PLEKHN1: variants seen among roughly 807,000 people sequenced by gnomAD.
PLEKHN1 encodes pleckstrin homology domain-containing family N member 1.
A neutral mutation model predicts 72.8 loss-of-function variants in PLEKHN1; 68 were observed. The ratio of observed to expected loss-of-function variants is 0.93; its 90% CI spans 0.77 to 1.14. PLEKHN1 has a LOEUF of 1.14. Among genes scored for constraint, PLEKHN1 ranks in the 50% most tolerant of loss-of-function variants. The probability of loss-of-function intolerance (pLI) is 0.00; values close to 1 mark genes in which losing one functional copy is unlikely to be tolerated. For synonymous variants in PLEKHN1, 454 were observed against 371.6 expected (o/e 1.22, Z -2.55); for missense variants, 1,015 against 840.5 (o/e 1.21, Z -2.57).
In PLEKHN1 at chr1:973,582, C is replaced by T; in HGVS notation, c.1376C>T (p.Pro459Leu). Residue 459 changes from proline to leucine, a missense_variant, in exon 13 of 16, where the codon CCC becomes CTC. Transcript: ENST00000379410. The stretch of plus-strand genomic sequence containing the variant: ...TCACACTCGCCCCTCTATGCCGACC[C>T]CTACACACCACCCGCCACCTCCCAC... Reference protein sequence around the residue: ...ETSHSPLYADPYTPPATSHRR... With the variant: ...ETSHSPLYADLYTPPATSHRR... The T allele has an allele frequency of 6.2e-7, 1 of 1,613,218 alleles. No homozygotes were observed. Among genetic ancestry groups the T allele is most frequent in the South Asian group, 1.1e-5 (1 of 91,086 alleles).
At position 971,470 on chromosome 1, in the gene PLEKHN1, C is replaced by T. The variant is rs945171356; in HGVS notation, c.789+66C>T. The T allele has an allele frequency of 2.2e-5, 30 of 1,392,752 alleles. No homozygotes were observed. In the African/African-American group the frequency reaches 3.9e-4, roughly 18 times the overall value. The allele number at this position is 1,392,752 out of a possible 1,614,324, so 86.3% of individuals were successfully genotyped here. A position where few individuals can be genotyped will look rare whatever the true frequency, so the allele number is the denominator to read the frequency against. On this transcript the variant is annotated intron_variant, in intron 8 of 15. Transcript: ENST00000379410. ...CTGTGTGGGGGTGGGAGGGGGCAGC[C>T]ATGCAGGAGGAACCTGTATTTCGGG...
At chr1:972,251 ACCC>A in intron 9 of PLEKHN1, 34 bp from the exon 10 acceptor site, 1 of 1,547,688 alleles carries the variant, frequency 6.5e-7, no homozygotes, top group Non-Finnish European at 8.7e-7. Context: ...TGAGGGGTGC[ACCC>A]CCCCGCCAGC....
chr1:966,808 G>C lies in PLEKHN1; in HGVS notation c.183+5G>C. On this transcript the variant is annotated splice_donor_5th_base_variant and intron_variant, in intron 2 of 15. Transcript: ENST00000379410. Reference sequence around the variant, plus strand: ...TTCCACTACATCCCGGGCACGGTGAGCGCGGCGTGCACGGTGGCTGTGGTC... The same window carrying C: ...TTCCACTACATCCCGGGCACGGTGACCGCGGCGTGCACGGTGGCTGTGGTC... 4.5e-6 allele frequency: 7 copies of C among 1,553,476 alleles called. No homozygotes were observed. Among genetic ancestry groups the C allele is most frequent in the Non-Finnish European group, 6.1e-6 (7 of 1,150,640 alleles).
At chr1:971,812 C>T (rs1479750573) in intron 8 of PLEKHN1, among the ~76,000 whole-genome samples, 1 of 152,220 alleles carries the variant, frequency 6.6e-6, no homozygotes, top group African/African-American at 2.4e-5. Context: ...ATGGTTCACC[C>T]GGCCCAACTT....
Position 974,858 on chromosome 1 carries a change from C to T in PLEKHN1, c.*283C>T. 1 of 459,846 alleles carries T rather than the reference C, an allele frequency of 2.2e-6. No homozygotes were observed. The allele number at this position is 459,846 out of a possible 1,614,324, so 28.5% of individuals were successfully genotyped here. ...TCCACAGGGTCGGCCCTCAGCTCAG[C>T]CCGCCAGGAGTCAGGGAGGAGACTC... On this transcript the variant is annotated 3_prime_UTR_variant, in exon 16 of 16. Coordinates refer to ENST00000379410, the MANE Select transcript of PLEKHN1 (RefSeq NM_032129.3).
intron 2 of PLEKHN1, among the ~76,000 whole-genome samples, chr1:969,861 G>A (rs1405079444): frequency 1.3e-5 from 2 of 152,076 alleles, no homozygotes; most frequent in African/African-American, 4.8e-5. Flanking sequence ...TCGGGTGTGT[G>A]TGCGTGTACG....
At position 971,413 on chromosome 1, in the gene PLEKHN1, C is replaced by T; in HGVS notation, c.789+9C>T. 2 of 1,568,544 alleles carry T rather than the reference C, an allele frequency of 1.3e-6. No homozygotes were observed. The highest frequency in any genetic ancestry group is 1.7e-6 in the Non-Finnish European group (2 of 1,158,058). ...ACGGGCTTTGCTTCAAGGTGGGCCC[C>T]TCCCCACTGTGGGCCCGCCCCAGGG... On this transcript the variant is annotated intron_variant, in intron 8 of 15. Transcript: ENST00000379410.
Position 974,453 on chromosome 1 carries a change from C to T in PLEKHN1, c.1714C>T (p.Pro572Ser), listed in dbSNP as rs1643514502. 3.1e-6 allele frequency: 5 copies of T among 1,612,884 alleles called. No homozygotes were observed. Among genetic ancestry groups the T allele is most frequent in the Non-Finnish European group, 4.2e-6 (5 of 1,179,968 alleles). The change falls in exon 16 of 16, where the codon CCC becomes TCC. Residue 572 changes from proline (P) to serine (S), a missense_variant. Pro to Ser is a moderately conservative substitution (Grantham distance 74, BLOSUM62 -1). Transcript: ENST00000379410. ...PWLPLTDGRS[P>S]RRSRDPGYDH... ...GCCTTCCCTACCAGATGGTCGGTCCCCCAGGAGGAGCCGGGACCCCGGCTA... is the reference window on the plus strand; with the variant it reads ...GCCTTCCCTACCAGATGGTCGGTCCTCCAGGAGGAGCCGGGACCCCGGCTA...
rs1359309798 is a variant in PLEKHN1, at chr1:970,455, G to T, written c.330+32G>T. 1 of 1,613,060 alleles carries T rather than the reference G, an allele frequency of 6.2e-7. No homozygotes were observed. ...GCCGGGCTGGGTGGAGCACGCTAAG[G>T]GTGCAGCATCCCCATCAGCCTGGGG... is the stretch of plus-strand genomic sequence containing the variant. On this transcript the variant is annotated intron_variant, in intron 3 of 15. Transcript: ENST00000379410. This position sits in a 1 kb window ranked among gnomAD's most constrained non-coding sequence, Gnocchi z 4.2.
Position 972,986 on chromosome 1 carries a change from G to T in PLEKHN1, c.1128G>T (p.Val376=). 1 of 1,596,236 alleles carries T rather than the reference G, an allele frequency of 6.3e-7. No individual in the cohort carries two copies. The highest frequency in any genetic ancestry group is 8.5e-7 in the Non-Finnish European group (1 of 1,171,316). The part of the protein sequence containing the change: ...SLPESSVPST[V]GCSSQHTPDQ... ...CTGAGTCCTCAGTGCCATCCACCGT[G>T]GGCTGCTCCTCCCAGCACACACCGG... Residue 376 remains valine (V), a synonymous_variant, in exon 11 of 16, where the codon GTG becomes GTT. Coordinates refer to ENST00000379410, the MANE Select transcript of PLEKHN1 (RefSeq NM_032129.3).
In PLEKHN1 at chr1:970,871, G is replaced by A; in HGVS notation, c.485-8G>A. ...TGTATGTGTGTGCCCTCTCTGCCCT[G>A]CCCGCAGGCCCACTGCCCGCACCCC... On this transcript the variant is annotated splice_region_variant and splice_polypyrimidine_tract_variant and intron_variant, in intron 5 of 15. Coordinates refer to ENST00000379410, the MANE Select transcript of PLEKHN1 (RefSeq NM_032129.3). The surrounding 1 kb of genome is among the most constrained non-coding windows in gnomAD (Gnocchi z 4.2). The A allele has an allele frequency of 6.2e-7, 1 of 1,611,506 alleles. No homozygotes were observed. The highest frequency in any genetic ancestry group is 8.5e-7 in the Non-Finnish European group (1 of 1,179,908).
rs780865727 is a variant in PLEKHN1, at chr1:974,365, G to C, written c.1702+1G>C. On this transcript the variant is annotated splice_donor_variant, in intron 15 of 15. Coordinates refer to ENST00000379410, the MANE Select transcript of PLEKHN1 (RefSeq NM_032129.3). LOFTEE classifies it high-confidence loss of function. The stretch of plus-strand genomic sequence containing the variant: ...CCCGAACCCTGGCTGCCTCTGACAG[G>C]TGAGTAAGGATCCTGCCTCCTGAGG... 2.5e-6 allele frequency: 4 copies of C among 1,612,904 alleles called. No individual in the cohort carries two copies. In the African/African-American group the frequency reaches 5.3e-5, roughly 22 times the overall value.
rs774314852 is a variant in PLEKHN1 at position 968,037 on chromosome 1, C to G, written c.183+1234C>G. On this transcript the variant is annotated intron_variant, in intron 2 of 15. Transcript: ENST00000379410. ...CTGCACCCAGTGCTGTGAGCTGGCTCTACTACGGCTCCAAGCTGAGTCCTC... is the reference window on the plus strand; with the variant it reads ...CTGCACCCAGTGCTGTGAGCTGGCTGTACTACGGCTCCAAGCTGAGTCCTC... Among the ~76,000 whole-genome samples the G allele has an allele frequency of 2.0e-5, 3 of 152,238 alleles. 1 individual carries two copies. The highest frequency in any genetic ancestry group is 4.4e-5 in the Non-Finnish European group (3 of 68,030).
chr1:973,000 A>G lies in PLEKHN1; in HGVS notation c.1142A>G (p.Gln381Arg). 1.9e-6 allele frequency: 3 copies of G among 1,598,972 alleles called. No homozygotes were observed. The highest frequency in any genetic ancestry group is 2.6e-6 in the Non-Finnish European group (3 of 1,172,766). ...CCATCCACCGTGGGCTGCTCCTCCC[A>G]GCACACACCGGTGAGCGCTTACGGG... ...SVPSTVGCSS[Q>R]HTPDQANSDR... The change falls in exon 11 of 16, where the codon CAG becomes CGG. Residue 381 changes from glutamine (Q) to arginine (R), a missense_variant. Coordinates refer to ENST00000379410, the MANE Select transcript of PLEKHN1 (RefSeq NM_032129.3).
At chr1:968,652 C>T (rs532056373) in intron 2 of PLEKHN1, among the ~76,000 whole-genome samples, 1 of 152,262 alleles carries the variant, frequency 6.6e-6, no homozygotes, top group African/African-American at 2.4e-5. Context: ...GGGGTCAGGT[C>T]GGTGCTAAGG....
chr1:969,778 T>C (rs1022902319), intron 2 of PLEKHN1, among the ~76,000 whole-genome samples: 1 of 152,062 alleles, frequency 6.6e-6, no homozygotes, highest in Non-Finnish European at 1.5e-5. Context: ...TATGCATGTG[T>C]GCGTGTATGC....
At chr1:968,615 C>T (rs1196808717) in intron 2 of PLEKHN1, among the ~76,000 whole-genome samples, 1 of 152,136 alleles carries the variant, frequency 6.6e-6, no homozygotes, top group African/African-American at 2.4e-5. Flanking sequence ...AGACACACGA[C>T]GGGACAAATC....
rs1233725526 is a variant in PLEKHN1 at position 972,414 on chromosome 1, C to T, written c.992C>T (p.Pro331Leu). 2.5e-6 allele frequency: 4 copies of T among 1,574,346 alleles called. No individual in the cohort carries two copies. The change falls in exon 10 of 16, where the codon CCA becomes CTA. Residue 331 changes from proline (P) to leucine (L), a missense_variant. By Grantham distance (98) the Pro-to-Leu change is moderately conservative. Transcript: ENST00000379410. ...CCGCTGCCTGGTGCCGAGAGCTTCC[C>T]AGGGTCGCAGGTGAGGGGTCAATAG... ...APPLPGAESF[P>L]GSQVMGSGRG... is the part of the protein sequence containing the mutation.
intron 2 of PLEKHN1, among the ~76,000 whole-genome samples, chr1:967,742 A>G (rs746108399): frequency 2.0e-5 from 3 of 152,176 alleles, no homozygotes; most frequent in Non-Finnish European, 4.4e-5. Flanking sequence ...ACGCTGCCTC[A>G]GAGGAGTGGG....
Sources: allele counts gnomAD v4.1 joint callset (sites outside exome capture counted in the v4.1 genomes callset), GRCh38; gene constraint gnomAD v4.1.1; non-coding constraint Gnocchi (gnomAD v3.1); transcripts MANE v1.5; gene names NCBI Gene and HGNC (gene_info 2026-07-23, HGNC 2026-07-21).